PDGFC: variants seen among roughly 807,000 people sequenced by gnomAD.
PDGFC encodes platelet derived growth factor C.
In PDGFC, 12 loss-of-function variants were observed where a neutral mutation model predicts 35.5. The observed-to-expected ratio is 0.34, with a 90% CI of 0.22 to 0.55. The LOEUF is 0.55. Ranked by LOEUF, PDGFC falls within the 20% of genes least tolerant of loss-of-function variation. The pLI, the probability that PDGFC is intolerant of heterozygous loss-of-function variation, is 0.91. For synonymous variants in PDGFC, 159 were observed against 148.8 expected (o/e 1.07, Z -0.50); for missense variants, 322 against 412.4 (o/e 0.78, Z 1.90).
chr4:156,963,474 T>TAAAAC (rs1323547530), intron 1 of PDGFC, among the ~76,000 whole-genome samples: 5 of 145,954 alleles, frequency 3.4e-5, no homozygotes, highest in Non-Finnish European at 7.6e-5. Context: ...GTCTCAAAAA[T>TAAAAC]AAAACAAAAC....
At position 156,790,552 on chromosome 4, in the gene PDGFC, G is replaced by T. The variant is rs186396583; in HGVS notation, c.496-17659C>A. ...CAAATGTTGAAACTTTATGAATTTG[G>T]ATAGAATAAACATGTTTAAATATTA... On this transcript the variant is annotated intron_variant, in intron 3 of 5. Transcript: ENST00000502773. 7.3e-4 allele frequency among the ~76,000 whole-genome samples: 111 copies of T among 152,214 alleles called. 3 individuals are homozygous for T. The highest frequency in any genetic ancestry group is 8.8e-5 in the Non-Finnish European group (6 of 68,012).
At chr4:156,847,587 C>T (rs138229608) in intron 2 of PDGFC, among the ~76,000 whole-genome samples, 10 of 151,878 alleles carry the variant, frequency 6.6e-5, no homozygotes, top group African/African-American at 1.7e-4. Context: ...AAACTGCTGA[C>T]ATCCAAATAA....
At chr4:156,841,087 T>G (rs1470291868) in intron 2 of PDGFC, among the ~76,000 whole-genome samples, 1 of 147,190 alleles carries the variant, frequency 6.8e-6, no homozygotes, top group East Asian at 2.0e-4. Context: ...GTTAAGATTT[T>G]GGGGGACTGT....
At chr4:156,946,911 T>C (rs145247183) in intron 1 of PDGFC, among the ~76,000 whole-genome samples, 26 of 152,088 alleles carry the variant, frequency 1.7e-4, no homozygotes, top group African/African-American at 5.5e-4. Flanking sequence ...TTAGGAATGC[T>C]TGAAATAATT....
intron 3 of PDGFC, among the ~76,000 whole-genome samples, chr4:156,806,605 C>A (rs868555439): frequency 6.6e-6 from 1 of 151,610 alleles, no homozygotes; most frequent in African/African-American, 2.4e-5. Context: ...ACTAAAATAA[C>A]TTTAAAAATT....
At chr4:156,827,307 C>T (rs1728795290) in intron 2 of PDGFC, among the ~76,000 whole-genome samples, 1 of 151,738 alleles carries the variant, frequency 6.6e-6, no homozygotes, top group African/African-American at 2.4e-5. Context: ...GTCCCAGCTA[C>T]TCGGGAGGCT....
At chr4:156,771,543 T>C (rs1282920950) in intron 4 of PDGFC, among the ~76,000 whole-genome samples, 1 of 152,176 alleles carries the variant, frequency 6.6e-6, no homozygotes, top group Non-Finnish European at 1.5e-5. Flanking sequence ...GCCCAGGCAC[T>C]TGAACACTGA....
intron 1 of PDGFC, among the ~76,000 whole-genome samples, chr4:156,864,570 A>T (rs1729790185): frequency 6.6e-6 from 1 of 152,126 alleles, no homozygotes; most frequent in South Asian, 2.1e-4. Context: ...CCTCCTCACC[A>T]CAATTCCAAG....
chr4:156,884,127 A>G (rs1410989397), intron 1 of PDGFC, among the ~76,000 whole-genome samples: 2 of 152,204 alleles, frequency 1.3e-5, no homozygotes, highest in African/African-American at 4.8e-5. Context: ...AACAAGATGC[A>G]TTTCCTAAAG....
rs571468884 is a variant in PDGFC at position 156,784,546 on chromosome 4, CA to C, written c.496-11654del. ...TTAAAAAGCAGTGAAATGGAGAAAG[CA>C]AGTAGAACTTTTTCATTAAGTTTGG... On this transcript the variant is annotated intron_variant, in intron 3 of 5. Transcript: ENST00000502773. Among the ~76,000 whole-genome samples the C allele has an allele frequency of 4.7e-3, 718 of 151,520 alleles. 2 individuals carry two copies. Among genetic ancestry groups the C allele is most frequent in the African/African-American group, 0.017 (690 of 41,298 alleles).
At chr4:156,851,493 C>A (rs1376051208) in intron 1 of PDGFC, among the ~76,000 whole-genome samples, 5 of 152,028 alleles carry the variant, frequency 3.3e-5, no homozygotes, top group African/African-American at 1.2e-4. Flanking sequence ...AGAGAAAGGG[C>A]AAGTTGGCAC....
chr4:156,894,573 T>A (rs769041199), intron 1 of PDGFC, among the ~76,000 whole-genome samples: 73 of 152,324 alleles, frequency 4.8e-4, no homozygotes, highest in Non-Finnish European at 9.6e-4. Flanking sequence ...TATAGCAATA[T>A]TTCAAACTCA....
chr4:156,852,531 T>C (rs1025576585), intron 1 of PDGFC, among the ~76,000 whole-genome samples: 1 of 152,198 alleles, frequency 6.6e-6, no homozygotes, highest in African/African-American at 2.4e-5. Context: ...TTCTTTTATC[T>C]TCGCACTAGT....
In PDGFC at chr4:156,971,088, C is replaced by G. The variant is rs1008261752; in HGVS notation, c.-185G>C. The G allele has an allele frequency of 1.8e-6, 1 of 565,908 alleles. No individual in the cohort carries two copies. The highest frequency in any genetic ancestry group is 3.2e-6 in the Non-Finnish European group (1 of 316,440). 35.1% of individuals were successfully genotyped at this position (565,908 alleles called of 1,614,324 possible). A position where few individuals can be genotyped will look rare whatever the true frequency, so the allele number is the denominator to read the frequency against. On this transcript the variant is annotated 5_prime_UTR_variant, in exon 1 of 6. Coordinates refer to ENST00000502773, the MANE Select transcript of PDGFC (RefSeq NM_016205.3). ...CAAAACTTTTTCCTAGAGCCCTCTT[C>G]TGTGTCTCCAGTTTTTGAAAAGGAT...
At position 156,850,322 on chromosome 4, in the gene PDGFC, C is replaced by T. The variant is rs748721708; in HGVS notation, c.213G>A (p.Thr71=). ...CTGCTACTAATCTCCATACCAAGAC[C>T]GTATTTCTTGGATAAGTATGAGGAA... is the stretch of plus-strand genomic sequence containing the variant. ...PRFPHTYPRN[T]VLVWRLVAVE... Residue 71 remains threonine (T), a synonymous_variant, in exon 2 of 6, where the codon ACG becomes ACA. Coordinates refer to ENST00000502773, the MANE Select transcript of PDGFC (RefSeq NM_016205.3). The T allele has an allele frequency of 2.1e-5, 34 of 1,603,518 alleles. No individual in the cohort carries two copies. Among genetic ancestry groups the T allele is most frequent in the Non-Finnish European group, 2.6e-5 (30 of 1,171,140 alleles).
intron 1 of PDGFC, among the ~76,000 whole-genome samples, chr4:156,964,090 C>A (rs1170247361): frequency 6.6e-6 from 1 of 150,942 alleles, no homozygotes; most frequent in African/African-American, 2.4e-5. Context: ...ATAGGTTATA[C>A]TTTCTAGCGT....
chr4:156,848,642 G>A (rs922780436), intron 2 of PDGFC, among the ~76,000 whole-genome samples: 3 of 151,790 alleles, frequency 2.0e-5, no homozygotes, highest in African/African-American at 7.3e-5. Flanking sequence ...GAAAGCACAT[G>A]GTATTACTCC....
At chr4:156,790,684 A>T (rs893097487) in intron 3 of PDGFC, among the ~76,000 whole-genome samples, 1 of 152,216 alleles carries the variant, frequency 6.6e-6, no homozygotes, top group Non-Finnish European at 1.5e-5. Flanking sequence ...TAACCTCAAG[A>T]TGTGAACTCC....
intron 2 of PDGFC, among the ~76,000 whole-genome samples, chr4:156,824,329 C>CACACACACATATACACAT (rs1732375839): frequency 3.8e-5 from 3 of 79,226 alleles, no homozygotes; most frequent in African/African-American, 2.1e-4. Context: ...TATATATATA[C>CACACACACATATACACAT]ACACACACAC....
Sources: allele counts gnomAD v4.1 joint callset (sites outside exome capture counted in the v4.1 genomes callset), GRCh38; gene constraint gnomAD v4.1.1; transcripts MANE v1.5; gene names NCBI Gene and HGNC (gene_info 2026-07-23, HGNC 2026-07-21).